Variants in PDE4B observed in about 807,000 individuals in gnomAD.
The protein encoded by PDE4B is 3',5'-cyclic-AMP phosphodiesterase 4B.
In PDE4B, 20 loss-of-function variants were observed where a neutral mutation model predicts 82.2. The ratio of observed to expected loss-of-function variants is 0.24; its 90% CI spans 0.17 to 0.35. PDE4B has a LOEUF of 0.35. PDE4B is among the 10% of genes least tolerant of loss of function. PDE4B has a pLI of 1.00. For missense variants in PDE4B, 655 were observed against 907.2 expected, an observed-to-expected ratio of 0.72 and a Z score of 3.57; for synonymous variants, 320 against 318.9, an observed-to-expected ratio of 1.00 and a Z score of -0.04.
chr1:65,887,414 G>GT (rs34263724), intron 1 of PDE4B, among the ~76,000 whole-genome samples: 275 of 7,732 alleles, frequency 0.036, 91 homozygotes, highest in East Asian at 0.14. Flanking sequence ...TTTTTCTTCT[G>GT]TTTTTTTTTT....
chr1:65,856,113 C>T (rs779274887), intron 1 of PDE4B, among the ~76,000 whole-genome samples: 1 of 152,052 alleles, frequency 6.6e-6, no homozygotes, highest in Non-Finnish European at 1.5e-5. Flanking sequence ...GCACTATCTC[C>T]CTAATACCAC....
At chr1:66,276,629 G>A (rs1403232177) in intron 7 of PDE4B, among the ~76,000 whole-genome samples, 2 of 152,148 alleles carry the variant, frequency 1.3e-5, no homozygotes, top group Admixed American at 6.5e-5. Context: ...CATCTCACAC[G>A]TCCATTATTC....
intron 1 of PDE4B, among the ~76,000 whole-genome samples, chr1:65,870,396 A>G (rs1646559680): frequency 6.6e-6 from 1 of 152,214 alleles, no homozygotes; most frequent in Non-Finnish European, 1.5e-5. Flanking sequence ...TACCAGCCAA[A>G]AAACAAACCA....
At chr1:65,884,793 G>C (rs1024780872) in intron 1 of PDE4B, among the ~76,000 whole-genome samples, 28 of 152,278 alleles carry the variant, frequency 1.8e-4, no homozygotes, top group Non-Finnish European at 3.7e-4. Flanking sequence ...TCAGGACATA[G>C]GCATGGGCAA....
intron 3 of PDE4B, among the ~76,000 whole-genome samples, chr1:66,164,888 G>A (rs1439937126): frequency 4.0e-5 from 6 of 150,664 alleles, no homozygotes; most frequent in African/African-American, 1.2e-4. Context: ...TCAGCCTCCC[G>A]AGTAGCTGGG....
chr1:66,187,653 G>T (rs1359748839), intron 3 of PDE4B, among the ~76,000 whole-genome samples: 9 of 152,044 alleles, frequency 5.9e-5, no homozygotes, highest in Non-Finnish European at 1.2e-4. Context: ...GATGGTAGTT[G>T]GTATTTCTGT....
At chr1:66,252,860 G>A (rs1392269195) in intron 4 of PDE4B, among the ~76,000 whole-genome samples, 1 of 152,148 alleles carries the variant, frequency 6.6e-6, no homozygotes, top group African/African-American at 2.4e-5. Flanking sequence ...GATCACTTGA[G>A]CCAGAGAGGT....
intron 3 of PDE4B, among the ~76,000 whole-genome samples, chr1:66,004,212 C>T (rs1161724942): frequency 6.6e-6 from 1 of 152,034 alleles, no homozygotes; most frequent in African/African-American, 2.4e-5. Flanking sequence ...AAAAGCAGTC[C>T]TTAGTTCACT....
intron 3 of PDE4B, among the ~76,000 whole-genome samples, chr1:66,201,141 A>C (rs574580930): frequency 1.3e-5 from 2 of 152,306 alleles, no homozygotes; most frequent in East Asian, 3.9e-4. Flanking sequence ...TATATGCTGG[A>C]TTACATTTAT....
intron 3 of PDE4B, among the ~76,000 whole-genome samples, chr1:65,933,587 G>A (rs1408803514): frequency 6.6e-6 from 1 of 152,126 alleles, no homozygotes; most frequent in African/African-American, 2.4e-5. Context: ...CCAGCTACTT[G>A]GGAGGCTGAG....
At chr1:66,292,180 A>G (rs1048057471) in intron 7 of PDE4B, among the ~76,000 whole-genome samples, 3 of 152,212 alleles carry the variant, frequency 2.0e-5, no homozygotes, top group Non-Finnish European at 4.4e-5. Context: ...TATTAAGGAT[A>G]AGAAAAATTA....
chr1:66,338,560 A>G (rs989491180), intron 8 of PDE4B, among the ~76,000 whole-genome samples: 5 of 152,212 alleles, frequency 3.3e-5, no homozygotes, highest in African/African-American at 1.2e-4. Context: ...ATAGTATTAA[A>G]CTAATCCATT....
At chr1:66,038,710 A>G (rs1214494411) in intron 3 of PDE4B, among the ~76,000 whole-genome samples, 1 of 152,018 alleles carries the variant, frequency 6.6e-6, no homozygotes, top group African/African-American at 2.4e-5. Context: ...AACAGGGAGG[A>G]AACTGGTGAA....
chr1:66,342,728 C>A (rs1661090643), intron 8 of PDE4B, among the ~76,000 whole-genome samples: 1 of 137,462 alleles, frequency 7.3e-6, no homozygotes, highest in African/African-American at 2.8e-5. Flanking sequence ...GAAACTCCAT[C>A]TCAAAAAAAA....
At chr1:65,941,655 C>G (rs1648454620) in intron 3 of PDE4B, among the ~76,000 whole-genome samples, 1 of 151,934 alleles carries the variant, frequency 6.6e-6, no homozygotes, top group South Asian at 2.1e-4. Flanking sequence ...TTTCTGGAAC[C>G]AAAATAATTT....
chr1:66,145,088 A>G (rs1238260900), intron 3 of PDE4B, among the ~76,000 whole-genome samples: 1 of 152,208 alleles, frequency 6.6e-6, no homozygotes, highest in East Asian at 1.9e-4. Flanking sequence ...TAGCTTCTAA[A>G]ACAAACATTT....
chr1:66,255,137 T>A (rs1654109350), intron 4 of PDE4B, among the ~76,000 whole-genome samples: 1 of 151,968 alleles, frequency 6.6e-6, no homozygotes, highest in Non-Finnish European at 1.5e-5. Context: ...CAGGCTGGAG[T>A]GCAATAGTGC....
chr1:66,049,306 G>A (rs567494536), intron 3 of PDE4B, among the ~76,000 whole-genome samples: 7 of 152,158 alleles, frequency 4.6e-5, no homozygotes, highest in Admixed American at 2.0e-4. Flanking sequence ...TGTTACAACT[G>A]TCAGGTCAGT....
chr1:66,037,408 T>C (rs1654125322), intron 3 of PDE4B, among the ~76,000 whole-genome samples: 1 of 152,138 alleles, frequency 6.6e-6, no homozygotes, highest in Non-Finnish European at 1.5e-5. Context: ...TATTTCTTTT[T>C]CAGACACTTT....
Sources: allele counts gnomAD v4.1 joint callset (sites outside exome capture counted in the v4.1 genomes callset), GRCh38; gene constraint gnomAD v4.1.1; transcripts MANE v1.5; gene names NCBI Gene and HGNC (gene_info 2026-07-23, HGNC 2026-07-21).